The following ZPLD1 variants were observed in gnomAD, a reference collection of about 807,000 sequenced individuals.
The protein encoded by ZPLD1 is zona pellucida-like domain-containing protein 1.
A neutral mutation model predicts 47.2 loss-of-function variants in ZPLD1; 34 were observed. That is an observed-to-expected ratio of 0.72 (90% CI 0.55 to 0.96). ZPLD1 has a LOEUF of 0.96. Ranked by LOEUF, ZPLD1 falls within the 40% of genes least tolerant of loss-of-function variation. ZPLD1 has a pLI of 0.00. For missense variants in ZPLD1, 512 were observed against 505.8 expected (o/e 1.01, Z -0.12); for synonymous variants, 176 against 186.2 (o/e 0.95, Z 0.45).
chr3:102,457,450 A>G (rs919562433), intron 5 of ZPLD1, among the ~76,000 whole-genome samples: 1 of 152,334 alleles, frequency 6.6e-6, no homozygotes, highest in South Asian at 2.1e-4. Flanking sequence ...CCCTGATCTC[A>G]TGAAACTTCT....
In ZPLD1 at chr3:102,452,923, A is replaced by G; in HGVS notation, c.111A>G (p.Glu37=). The G allele has an allele frequency of 6.2e-7, 1 of 1,613,312 alleles. No homozygotes were observed. The highest frequency in any genetic ancestry group is 8.5e-7 in the Non-Finnish European group (1 of 1,179,462). The change falls in exon 4 of 12, where the codon GAA becomes GAG. Residue 37 remains glutamate (E), a synonymous_variant. Coordinates refer to ENST00000466937, the MANE Select transcript of ZPLD1 (RefSeq NM_001329788.2). ...DANLHSRFPA[E]RDISVYCGVQ... ...TTTTATATATTTTTATTTCAGCTGA[A>G]AGAGACATCAGTGTCTATTGTGGAG...
rs1042665427 is a variant in ZPLD1, at chr3:102,424,864, C to T, written c.-9+6657C>T. On this transcript the variant is annotated intron_variant, in intron 8 of 17. Coordinates refer to the ZPLD1 transcript ENST00000491959. Reference sequence around the variant, plus strand: ...AAAAATGCTGCTCTTGACTCATTAACCAATATTCTAGCACATTATTTGTTG... The same window carrying T: ...AAAAATGCTGCTCTTGACTCATTAATCAATATTCTAGCACATTATTTGTTG... Among the ~76,000 whole-genome samples, 5 of 152,264 alleles carry T rather than the reference C, an allele frequency of 3.3e-5. No homozygotes were observed. The South Asian group carries it at 1.0e-3, about 32-fold the overall frequency.
chr3:102,412,824 CAT>C (rs1485143278), intron 7 of ZPLD1, among the ~76,000 whole-genome samples: 1 of 151,520 alleles, frequency 6.6e-6, no homozygotes, highest in Non-Finnish European at 1.5e-5. Flanking sequence ...TATATACACA[CAT>C]ATGTGTATAT....
In ZPLD1 at chr3:102,456,390, A is replaced by G; in HGVS notation, c.509+16A>G. The G allele has an allele frequency of 6.2e-7, 1 of 1,606,776 alleles. No homozygotes were observed. The highest frequency in any genetic ancestry group is 8.5e-7 in the Non-Finnish European group (1 of 1,176,396). On this transcript the variant is annotated intron_variant, in intron 5 of 11. Transcript: ENST00000466937. ...AGCTTGCTTCGTAAGTTTGCATTTT[A>G]TTCCTGCTTTCTCATATTGCATTTT...
intron 8 of ZPLD1, among the ~76,000 whole-genome samples, chr3:102,420,917 T>G (rs1203308374): frequency 1.3e-5 from 2 of 151,988 alleles, no homozygotes; most frequent in Non-Finnish European, 2.9e-5. Flanking sequence ...AATAATTTTG[T>G]TATTTCTACT....
intron 6 of ZPLD1, among the ~76,000 whole-genome samples, chr3:102,458,962 C>T (rs1707462461): frequency 6.6e-6 from 1 of 151,604 alleles, no homozygotes; most frequent in Non-Finnish European, 1.5e-5. Flanking sequence ...TGGTGGCGGG[C>T]ACCTGTAGTC....
chr3:102,403,158 C>T (rs527251225), intron 7 of ZPLD1, among the ~76,000 whole-genome samples: 1 of 151,958 alleles, frequency 6.6e-6, no homozygotes, highest in Non-Finnish European at 1.5e-5. Flanking sequence ...TTCTGTAACC[C>T]TGCCTATACC....
In ZPLD1 at chr3:102,435,022, T is replaced by A; in HGVS notation, c.-255T>A. ...ATATGTTTTTGAGGAATGTAAAGGG[T>A]GTTAACATAATCCCCCAATCCCATA... is the stretch of plus-strand genomic sequence containing the variant. On this transcript the variant is annotated 5_prime_UTR_variant, in exon 1 of 12. Transcript: ENST00000466937. 1 of 1,380,112 alleles carries A rather than the reference T, an allele frequency of 7.2e-7. No homozygotes were observed. Among genetic ancestry groups the A allele is most frequent in the Non-Finnish European group, 1.0e-6 (1 of 971,582 alleles). 85.5% of individuals were successfully genotyped at this position (1,380,112 alleles called of 1,614,324 possible).
rs1202854284 is a variant in ZPLD1, at chr3:102,444,471, C to A, written c.106+5878C>A. ...TTAGGACTTCTAGCTCTTTTAGCAC[C>A]AAAACCTCAATCTTATATAAAAACT... On this transcript the variant is annotated intron_variant, in intron 3 of 11. Transcript: ENST00000466937. Among the ~76,000 whole-genome samples, 140 of 152,210 alleles carry A rather than the reference C, an allele frequency of 9.2e-4. 1 individual carries two copies. Among genetic ancestry groups the A allele is most frequent in the Non-Finnish European group, 8.8e-5 (6 of 68,014 alleles).
chr3:102,391,319 T>C (rs1706492372), intron 6 of ZPLD1, among the ~76,000 whole-genome samples: 1 of 152,186 alleles, frequency 6.6e-6, no homozygotes, highest in Admixed American at 6.5e-5. Flanking sequence ...ACTTAATTTT[T>C]GGGTGGCAGA....
intron 3 of ZPLD1, among the ~76,000 whole-genome samples, chr3:102,439,501 G>C (rs1286172573): frequency 6.6e-6 from 1 of 152,174 alleles, no homozygotes; most frequent in African/African-American, 2.4e-5. Context: ...CGGTGGGAAT[G>C]ACCAAAGGAA....
At chr3:102,465,561 T>G (rs962299374) in intron 8 of ZPLD1, among the ~76,000 whole-genome samples, 3 of 152,142 alleles carry the variant, frequency 2.0e-5, no homozygotes, top group African/African-American at 7.2e-5. Flanking sequence ...TTATGCTTGG[T>G]AGGGTTATGG....
intron 8 of ZPLD1, among the ~76,000 whole-genome samples, chr3:102,421,025 G>A (rs773725175): frequency 2.0e-5 from 3 of 151,860 alleles, no homozygotes; most frequent in Admixed American, 6.6e-5. Context: ...GGCTTTGTTT[G>A]TAAAGTTAGG....
chr3:102,391,529 G>T (rs748201378), intron 6 of ZPLD1, among the ~76,000 whole-genome samples: 2 of 151,972 alleles, frequency 1.3e-5, no homozygotes, highest in Non-Finnish European at 2.9e-5. Context: ...TTTCTTGGGA[G>T]AGAACACAGT....
chr3:102,426,728 G>T (rs2107310827), intron 8 of ZPLD1, among the ~76,000 whole-genome samples: 1 of 152,202 alleles, frequency 6.6e-6, no homozygotes, highest in East Asian at 1.9e-4. Context: ...AATATTGATT[G>T]TTAAGTAATA....
chr3:102,439,772 A>G (rs2107321908), intron 3 of ZPLD1, among the ~76,000 whole-genome samples: 1 of 152,356 alleles, frequency 6.6e-6, no homozygotes, highest in African/African-American at 2.4e-5. Flanking sequence ...ATGGAAAAGA[A>G]CTTAAAAATC....
In ZPLD1 at chr3:102,452,979, G is replaced by A; in HGVS notation, c.167G>A (p.Cys56Tyr). 1.2e-6 allele frequency: 2 copies of A among 1,614,052 alleles called. No homozygotes were observed. Among genetic ancestry groups the A allele is most frequent in the Non-Finnish European group, 1.7e-6 (2 of 1,179,972 alleles). Residue 56 changes from cysteine to tyrosine, a missense_variant, in exon 4 of 12, where the codon TGC becomes TAC. Transcript: ENST00000466937. The stretch of plus-strand genomic sequence containing the variant: ...GCTATTACGATGAAGATTAATTTTT[G>A]CACGGTACTTTTCTCGGGTTATTCG... The part of the protein sequence containing the change: ...VQAITMKINF[C>Y]TVLFSGYSET...
chr3:102,436,596 C>T (rs1348494602), intron 1 of ZPLD1, among the ~76,000 whole-genome samples: 2 of 152,158 alleles, frequency 1.3e-5, no homozygotes, highest in Non-Finnish European at 2.9e-5. Context: ...TCTAGTTCCT[C>T]CACTTCATTT....
intron 8 of ZPLD1, among the ~76,000 whole-genome samples, chr3:102,468,180 T>C (rs1707626985): frequency 6.6e-6 from 1 of 152,206 alleles, no homozygotes; most frequent in South Asian, 2.1e-4. Flanking sequence ...TTCGCTGATG[T>C]AGCTCTGGAG....
Sources: gnomAD v4.1 joint callset for allele counts (sites outside exome capture counted in the v4.1 genomes callset) on GRCh38, gnomAD v4.1.1 for gene constraint, MANE v1.5 for transcripts, NCBI Gene and HGNC (gene_info 2026-07-23, HGNC 2026-07-21) for gene names.